Variants in DOCK8 observed in about 807,000 individuals in gnomAD.
DOCK8 encodes dedicator of cytokinesis protein 8.
DOCK8 carries 141 observed loss-of-function variants against 245.6 expected under a neutral mutation model. The observed-to-expected ratio is 0.57, with a 90% confidence interval of 0.50 to 0.66. DOCK8 has a LOEUF of 0.66. DOCK8 is among the 30% of genes least tolerant of loss of function. The pLI, the probability that DOCK8 is intolerant of heterozygous loss-of-function variation, is 0.00. For synonymous variants in DOCK8, 1,168 were observed against 970.2 expected, an observed-to-expected ratio of 1.20 and a Z score of -3.79; for missense variants, 2,965 against 2,603.4, an observed-to-expected ratio of 1.14 and a Z score of -3.02.
chr9:400,333 ACCT>A (rs1378802305), intron 26 of DOCK8, among the ~76,000 whole-genome samples: 3 of 82,128 alleles, frequency 3.7e-5, no homozygotes, highest in African/African-American at 1.1e-4. Flanking sequence ...CACCACCACC[ACCT>A]CCTCCACCAC....
intron 1 of DOCK8, among the ~76,000 whole-genome samples, chr9:262,033 A>AAGAAAGAAAGAAAG (rs1232808830): frequency 6.7e-6 from 1 of 149,100 alleles, no homozygotes; most frequent in Non-Finnish European, 1.5e-5. Flanking sequence ...GAAAGAAAGA[A>AAGAAAGAAAGAAAG]AGACACCGCG....
chr9:298,654 TCA>T (rs1491364512), intron 4 of DOCK8, among the ~76,000 whole-genome samples: 4 of 128,232 alleles, frequency 3.1e-5, no homozygotes, highest in Non-Finnish European at 3.5e-5. Context: ...TGTGTGTGTG[TCA>T]GAGAGAGAGA....
chr9:317,984 A>ACT, intron 7 of DOCK8, among the ~76,000 whole-genome samples: 3 of 152,194 alleles, frequency 2.0e-5, no homozygotes, highest in African/African-American at 7.2e-5. Context: ...GCAAAAAAAA[A>ACT]AAATCCTCTA....
intron 1 of DOCK8, among the ~76,000 whole-genome samples, chr9:253,693 G>C (rs1375718026): frequency 1.3e-5 from 2 of 152,210 alleles, no homozygotes; most frequent in African/African-American, 4.8e-5. Flanking sequence ...CCCAGAAAGA[G>C]CCGTGTGGGT....
chr9:409,904 C>T (rs1191113946), intron 28 of DOCK8, among the ~76,000 whole-genome samples: 3 of 152,116 alleles, frequency 2.0e-5, no homozygotes, highest in Non-Finnish European at 4.4e-5. Context: ...CATAGTATTC[C>T]ATGGTGTATA....
intron 33 of DOCK8, among the ~76,000 whole-genome samples, chr9:422,566 A>G (rs1290200046): frequency 6.6e-6 from 1 of 152,262 alleles, no homozygotes; most frequent in Non-Finnish European, 1.5e-5. Context: ...AATTGAAAAC[A>G]TTCTAAATGC....
chr9:278,673 A>C (rs1016300857), intron 2 of DOCK8, among the ~76,000 whole-genome samples: 2 of 152,370 alleles, frequency 1.3e-5, no homozygotes, highest in East Asian at 1.9e-4. Flanking sequence ...CTTGACGGAC[A>C]TCTGAAGGAA....
intron 4 of DOCK8, among the ~76,000 whole-genome samples, chr9:293,367 A>G (rs2049125885): frequency 6.6e-6 from 1 of 152,200 alleles, no homozygotes; most frequent in African/African-American, 2.4e-5. Flanking sequence ...GATGTCCTTC[A>G]TCTCCCAACC....
chr9:339,338 G>C (rs1215553902), intron 13 of DOCK8, among the ~76,000 whole-genome samples: 2 of 152,122 alleles, frequency 1.3e-5, no homozygotes, highest in Non-Finnish European at 1.5e-5. Context: ...TGGTTTCTCA[G>C]ATAATGAGAT....
chr9:240,417 G>T (rs1264753601), intron 1 of DOCK8, among the ~76,000 whole-genome samples: 2 of 150,916 alleles, frequency 1.3e-5, no homozygotes, highest in African/African-American at 4.9e-5. Flanking sequence ...GAGTAATCTT[G>T]GTCCTATTTG....
intron 28 of DOCK8, among the ~76,000 whole-genome samples, chr9:412,492 A>G (rs1000102329): frequency 1.3e-5 from 2 of 152,136 alleles, no homozygotes; most frequent in South Asian, 2.1e-4. Context: ...CATAGGTGGC[A>G]TAATCTTGTT....
At chr9:283,019 T>C (rs541201394) in intron 2 of DOCK8, among the ~76,000 whole-genome samples, 2 of 152,282 alleles carry the variant, frequency 1.3e-5, no homozygotes, top group South Asian at 2.1e-4. Flanking sequence ...CTGGTAAATA[T>C]ATTATTTGAC....
chr9:285,006 C>T (rs1244966788), intron 2 of DOCK8, among the ~76,000 whole-genome samples: 1 of 152,088 alleles, frequency 6.6e-6, no homozygotes, highest in African/African-American at 2.4e-5. Context: ...GGCTTAATAC[C>T]TGGGTGATAA....
At chr9:271,759 A>C in intron 2 of DOCK8, 30 bp downstream of exon 2, 1 of 1,505,958 alleles carries the variant, frequency 6.6e-7, no homozygotes. Flanking sequence ...TTACTTAGCG[A>C]TTGGTCAAGT....
intron 1 of DOCK8, among the ~76,000 whole-genome samples, chr9:260,019 A>G (rs2047878881): frequency 6.6e-6 from 1 of 152,252 alleles, no homozygotes; most frequent in Non-Finnish European, 1.5e-5. Flanking sequence ...TGGGCACCAC[A>G]TATAGCCATT....
chr9:435,447 C>A (rs2056866039), intron 39 of DOCK8, among the ~76,000 whole-genome samples: 1 of 152,164 alleles, frequency 6.6e-6, no homozygotes, highest in Non-Finnish European at 1.5e-5. Context: ...GATGAGAGAA[C>A]TGAGAGAGCA....
intron 2 of DOCK8, 140 bp from the exon 3 acceptor site, chr9:286,321 C>T (rs2048821373): frequency 2.1e-6 from 2 of 934,592 alleles, no homozygotes; most frequent in South Asian, 1.7e-5. Flanking sequence ...GACAGCTCCT[C>T]CAAAGAGTCG....
intron 38 of DOCK8, 111 bp from the exon 39 acceptor site, chr9:434,672 A>T: frequency 9.3e-7 from 1 of 1,072,552 alleles, no homozygotes; most frequent in Non-Finnish European, 1.4e-6. Context: ...TCTCAGGTGG[A>T]GGGGTACAGG....
rs1485448784 is a variant in DOCK8, at chr9:464,345, G to A, written c.*126G>A. On this transcript the variant is annotated 3_prime_UTR_variant, in exon 48 of 48. Transcript: ENST00000432829. Reference sequence around the variant, plus strand: ...ACACTCCCTGATCAGCCAGCACTCTGGAAGCTTTGGGATCCCAGGAACCAT... The same window carrying A: ...ACACTCCCTGATCAGCCAGCACTCTAGAAGCTTTGGGATCCCAGGAACCAT... 3 of 838,306 alleles carry A rather than the reference G, an allele frequency of 3.6e-6. No homozygotes were observed. The highest frequency in any genetic ancestry group is 6.2e-6 in the Non-Finnish European group (3 of 485,092). 51.9% of individuals were successfully genotyped at this position (838,306 alleles called of 1,614,324 possible).
Sources: gnomAD v4.1 joint callset for allele counts (sites outside exome capture counted in the v4.1 genomes callset) on GRCh38, gnomAD v4.1.1 for gene constraint, MANE v1.5 for transcripts, NCBI Gene and HGNC (gene_info 2026-07-23, HGNC 2026-07-21) for gene names.